The following PTPRT variants were observed in gnomAD, a reference collection of about 807,000 sequenced individuals.
PTPRT encodes receptor-type tyrosine-protein phosphatase T.
In PTPRT, 56 loss-of-function variants were observed where a neutral mutation model predicts 176.8. That is an observed-to-expected ratio of 0.32 (90% CI 0.26 to 0.40). PTPRT has a LOEUF of 0.40. Ranked by LOEUF, PTPRT falls within the 10% of genes least tolerant of loss-of-function variation. PTPRT has a pLI of 1.00. For synonymous variants in PTPRT, 783 were observed against 739.0 expected, an observed-to-expected ratio of 1.06 and a Z score of -0.96; for missense variants, 1,540 against 1,908.2, an observed-to-expected ratio of 0.81 and a Z score of 3.60.
chr20:42,702,345 C>T (rs1238298491), intron 6 of PTPRT, among the ~76,000 whole-genome samples: 1 of 152,170 alleles, frequency 6.6e-6, no homozygotes, highest in South Asian at 2.1e-4. Context: ...TTAACATCTC[C>T]AGGGATCAAC....
At chr20:42,661,374 G>C (rs1465715410) in intron 7 of PTPRT, among the ~76,000 whole-genome samples, 1 of 151,894 alleles carries the variant, frequency 6.6e-6, no homozygotes, top group Non-Finnish European at 1.5e-5. Flanking sequence ...GTGACTAAAA[G>C]GGAATAGACA....
At position 42,352,265 on chromosome 20, in the gene PTPRT, G is replaced by A. The variant is rs2145525485; in HGVS notation, c.1581C>T (p.Gly527=). The change falls in exon 10 of 31, where the codon GGC becomes GGT. Residue 527 remains glycine (G), a synonymous_variant. Coordinates refer to ENST00000373187, the MANE Select transcript of PTPRT (RefSeq NM_007050.6). ...TLYEINYKAV[G]SLDPSADLSS... is the part of the protein sequence containing the mutation. ...AGAGGTCAGCACTTGGGTCCAGCGA[G>A]CCGACAGCCTTGTAGTTGATCTGTA... 6.2e-7 allele frequency: 1 copy of A among 1,614,166 alleles called. No homozygotes were observed. Among genetic ancestry groups the A allele is most frequent in the Non-Finnish European group, 8.5e-7 (1 of 1,180,022 alleles).
chr20:42,996,401 A>C (rs1984225561), intron 1 of PTPRT, among the ~76,000 whole-genome samples: 1 of 152,198 alleles, frequency 6.6e-6, no homozygotes, highest in Admixed American at 6.5e-5. Context: ...GTGAACCCAA[A>C]CATGGGGTAA....
At chr20:42,674,714 C>T (rs1375577838) in intron 7 of PTPRT, among the ~76,000 whole-genome samples, 1 of 152,070 alleles carries the variant, frequency 6.6e-6, no homozygotes, top group Non-Finnish European at 1.5e-5. Flanking sequence ...AGGAATTTTA[C>T]CAAAGGCCTG....
intron 19 of PTPRT, among the ~76,000 whole-genome samples, chr20:42,127,369 A>G (rs1334300823): frequency 6.6e-6 from 1 of 152,064 alleles, no homozygotes; most frequent in African/African-American, 2.4e-5. Context: ...ATCATCCTCC[A>G]GTGTCTGTCT....
At chr20:43,164,239 C>T (rs1163167496) in intron 1 of PTPRT, among the ~76,000 whole-genome samples, 1 of 152,160 alleles carries the variant, frequency 6.6e-6, no homozygotes, top group Non-Finnish European at 1.5e-5. Flanking sequence ...ACAGATATAG[C>T]AGAGGATTCG....
At position 42,771,539 on chromosome 20, in the gene PTPRT, G is replaced by A. The variant is rs2077062198; in HGVS notation, c.580C>T (p.His194Tyr). ...TCCACGTTTTGGAGTCGCAGAAAAT[G>A]AGGTGCTTTTCCTAAGAGAGAAACC... is the stretch of plus-strand genomic sequence containing the variant. ...VLAHPCRKAP[H>Y]FLRLQNVEVN... Residue 194 changes from histidine (H) to tyrosine (Y), a missense_variant, in exon 5 of 31, where the codon CAT becomes TAT. Coordinates refer to ENST00000373187, the MANE Select transcript of PTPRT (RefSeq NM_007050.6). 1.5e-5 allele frequency: 25 copies of A among 1,613,864 alleles called. No homozygotes were observed. The highest frequency in any genetic ancestry group is 2.1e-5 in the Non-Finnish European group (25 of 1,179,844).
At position 43,189,582 on chromosome 20, in the gene PTPRT, C is replaced by G. The variant is rs1184712352; in HGVS notation, c.88+64G>C. On this transcript the variant is annotated intron_variant, in intron 1 of 30. Transcript: ENST00000373187. The surrounding 1 kb of genome is among the most constrained non-coding windows in gnomAD (Gnocchi z 5.0). ...ACTTTCTCCTCCGAGGGCCCCGCGG[C>G]TGGGGGCCCGCGCGCATCCAGGAGG... 9.1e-7 allele frequency: 1 copy of G among 1,102,358 alleles called. No homozygotes were observed. The allele number at this position is 1,102,358 out of a possible 1,614,324, so 68.3% of individuals were successfully genotyped here. A position where few individuals can be genotyped will look rare whatever the true frequency, so the allele number is the denominator to read the frequency against.
chr20:43,185,080 A>G (rs2015357669), intron 1 of PTPRT, among the ~76,000 whole-genome samples: 1 of 152,098 alleles, frequency 6.6e-6, no homozygotes, highest in South Asian at 2.1e-4. Context: ...CTTCCTCTCC[A>G]TACTAATCTG....
intron 8 of PTPRT, among the ~76,000 whole-genome samples, chr20:42,459,617 T>C (rs2145885855): frequency 6.6e-6 from 1 of 152,330 alleles, no homozygotes; most frequent in South Asian, 2.1e-4. Context: ...TTGGTTCAGA[T>C]GTGGGGAACA....
Position 42,110,328 on chromosome 20 carries a change from C to CTT in PTPRT, c.3254+3_3254+4dup. Reference sequence around the variant, plus strand: ...GCCTCCCAAGGTGAAGGACCTTTGACTTACCTGCAGTGGACCACTATGGGC... The same window carrying CTT: ...GCCTCCCAAGGTGAAGGACCTTTGACTTTTACCTGCAGTGGACCACTATGGGC... On this transcript the variant is annotated splice_donor_region_variant and intron_variant, in intron 23 of 30. Coordinates refer to ENST00000373187, the MANE Select transcript of PTPRT (RefSeq NM_007050.6). 1 of 1,601,382 alleles carries CTT rather than the reference C, an allele frequency of 6.2e-7. No homozygotes were observed. The highest frequency in any genetic ancestry group is 8.5e-7 in the Non-Finnish European group (1 of 1,171,834).
chr20:42,244,457 C>T (rs1347652570), intron 14 of PTPRT, among the ~76,000 whole-genome samples: 1 of 152,268 alleles, frequency 6.6e-6, no homozygotes, highest in East Asian at 1.9e-4. Flanking sequence ...GAGACAGGGT[C>T]TGGCTAGAAC....
intron 12 of PTPRT, among the ~76,000 whole-genome samples, chr20:42,292,496 T>G (rs1490014264): frequency 2.6e-5 from 4 of 152,144 alleles, no homozygotes; most frequent in Admixed American, 2.0e-4. Context: ...ATAACAAGAC[T>G]GTGAGGTGGA....
At chr20:42,940,281 G>C (rs1483112702) in intron 1 of PTPRT, among the ~76,000 whole-genome samples, 1 of 152,182 alleles carries the variant, frequency 6.6e-6, no homozygotes, top group Non-Finnish European at 1.5e-5. Context: ...CTCTGGACCT[G>C]AGGCATTATG....
chr20:42,752,259 A>T (rs1345392479), intron 6 of PTPRT, among the ~76,000 whole-genome samples: 1 of 152,188 alleles, frequency 6.6e-6, no homozygotes, highest in Non-Finnish European at 1.5e-5. Context: ...ATTTTATTTA[A>T]CAAATACCTT....
At chr20:43,070,219 T>C (rs549432673) in intron 1 of PTPRT, among the ~76,000 whole-genome samples, 1 of 152,306 alleles carries the variant, frequency 6.6e-6, no homozygotes, top group South Asian at 2.1e-4. Context: ...CCCCAGATGC[T>C]GTGGGCTCAC....
intron 1 of PTPRT, among the ~76,000 whole-genome samples, chr20:42,969,818 C>T (rs112964726): frequency 0.041 from 6,310 of 152,224 alleles, 175 homozygotes; most frequent in African/African-American, 0.072. Flanking sequence ...ACAGCCTCTG[C>T]TGAGGGATGT....
At chr20:43,023,806 G>C (rs978262506) in intron 1 of PTPRT, among the ~76,000 whole-genome samples, 2 of 152,040 alleles carry the variant, frequency 1.3e-5, no homozygotes, top group South Asian at 4.1e-4. Context: ...TCTTGTTATT[G>C]GAGATCACCC....
At chr20:42,232,955 C>A (rs2056166466) in intron 15 of PTPRT, among the ~76,000 whole-genome samples, 1 of 152,028 alleles carries the variant, frequency 6.6e-6, no homozygotes, top group African/African-American at 2.4e-5. Context: ...CCCAAACCCA[C>A]CCCCTCCATC....
Sources: allele counts gnomAD v4.1 joint callset (sites outside exome capture counted in the v4.1 genomes callset), GRCh38; gene constraint gnomAD v4.1.1; non-coding constraint Gnocchi (gnomAD v3.1); transcripts MANE v1.5; gene names NCBI Gene and HGNC (gene_info 2026-07-23, HGNC 2026-07-21).